Variants in BTBD10 observed in about 807,000 individuals in gnomAD.
BTBD10 encodes BTB domain containing 10, also known as BTB/POZ domain-containing protein 10.
BTBD10 carries 21 observed loss-of-function variants against 53.2 expected under a neutral mutation model. That is an observed-to-expected ratio of 0.39 (90% CI 0.28 to 0.57). BTBD10 has a LOEUF of 0.57. Ranked by LOEUF, BTBD10 falls within the 20% of genes least tolerant of loss-of-function variation. The pLI, the probability that BTBD10 is intolerant of heterozygous loss-of-function variation, is 0.53. For synonymous variants in BTBD10, 149 were observed against 192.7 expected (o/e 0.77, Z 1.88); for missense variants, 360 against 594.7 (o/e 0.61, Z 4.10).
At chr11:13,439,910 C>A (rs72857043) in intron 2 of BTBD10, 184,233 of 1,530,016 alleles carry the variant, frequency 0.12, 11,708 homozygotes, top group Non-Finnish European at 0.13. Context: ...CCAAGGTAGA[C>A]ACACAAAAAC....
At chr11:13,456,787 CA>C (rs549916187) in intron 1 of BTBD10, among the ~76,000 whole-genome samples, 180 of 152,236 alleles carry the variant, frequency 1.2e-3, no homozygotes, top group African/African-American at 4.3e-3. Flanking sequence ...TGCAAATTAA[CA>C]CCTCCAATTT....
At chr11:13,409,404 G>T (rs1949894260) in intron 6 of BTBD10, among the ~76,000 whole-genome samples, 1 of 152,092 alleles carries the variant, frequency 6.6e-6, no homozygotes, top group African/African-American at 2.4e-5. Context: ...AGTTATGCCT[G>T]GTTTGTTCAT....
At chr11:13,423,593 T>C (rs531832252) in intron 2 of BTBD10, among the ~76,000 whole-genome samples, 2 of 152,182 alleles carry the variant, frequency 1.3e-5, no homozygotes, top group South Asian at 2.1e-4. Flanking sequence ...GTCATTCCAG[T>C]GCCCCTTTCA....
At chr11:13,405,331 T>TAAATAC (rs1949798565) in intron 7 of BTBD10, 1 of 181,064 alleles carries the variant, frequency 5.5e-6, no homozygotes, top group Non-Finnish European at 1.1e-5. Context: ...TGAATGCTTT[T>TAAATAC]AAATACAAAG....
chr11:13,452,608 T>C (rs922874444), intron 1 of BTBD10, among the ~76,000 whole-genome samples: 1 of 152,290 alleles, frequency 6.6e-6, no homozygotes, highest in Admixed American at 6.5e-5. Flanking sequence ...ATCCTTCCAC[T>C]GCCACAAACG....
In BTBD10 at chr11:13,442,424, T is replaced by G. The variant is rs141100287; in HGVS notation, c.101+2600A>C. Among the ~76,000 whole-genome samples the G allele has an allele frequency of 5.2e-3, 796 of 152,330 alleles. 9 individuals are homozygous for G. Among genetic ancestry groups the G allele is most frequent in the African/African-American group, 0.018 (737 of 41,588 alleles). ...ACTTGTTTATAAATCCCAGCTCTGC[T>G]ATTTACAAGTTGGATGGTCCTGGGC... On this transcript the variant is annotated intron_variant, in intron 2 of 8. Coordinates refer to ENST00000278174, the MANE Select transcript of BTBD10 (RefSeq NM_032320.7).
chr11:13,416,774 C>A (rs575356973), intron 5 of BTBD10, among the ~76,000 whole-genome samples: 1 of 151,940 alleles, frequency 6.6e-6, no homozygotes, highest in Admixed American at 6.5e-5. Flanking sequence ...CCCTGGAGTT[C>A]GAGAACAGCC....
chr11:13,454,455 C>T (rs1445460759), intron 1 of BTBD10, among the ~76,000 whole-genome samples: 2 of 152,176 alleles, frequency 1.3e-5, no homozygotes, highest in Non-Finnish European at 2.9e-5. Flanking sequence ...TAAGGCTTGA[C>T]CTTTTCTGAT....
intron 8 of BTBD10, among the ~76,000 whole-genome samples, chr11:13,395,642 G>C (rs565778322): frequency 6.6e-6 from 1 of 152,148 alleles, no homozygotes; most frequent in Non-Finnish European, 1.5e-5. Flanking sequence ...GTATTGCCTA[G>C]GTTTTCTTCT....
chr11:13,405,849 T>C lies in BTBD10; in HGVS notation c.816A>G (p.Leu272=). 1 of 1,612,080 alleles carries C rather than the reference T, an allele frequency of 6.2e-7. No individual in the cohort carries two copies. The highest frequency in any genetic ancestry group is 8.5e-7 in the Non-Finnish European group (1 of 1,178,898). ...STIKCRDLSA[L]MHELSNDGAR... is the part of the protein sequence containing the mutation. ...CACCATCATTTGATAACTCATGCAT[T>C]AGGGCACCTGAAATGAAATCCACAA... is the stretch of plus-strand genomic sequence containing the variant. Residue 272 remains leucine (L), a synonymous_variant, in exon 7 of 9, where the codon CTA becomes CTG. Coordinates refer to ENST00000278174, the MANE Select transcript of BTBD10 (RefSeq NM_032320.7).
intron 1 of BTBD10, among the ~76,000 whole-genome samples, chr11:13,446,756 A>G (rs1950755509): frequency 6.6e-6 from 1 of 152,180 alleles, no homozygotes; most frequent in African/African-American, 2.4e-5. Context: ...AAAAACCATG[A>G]ATTATTTTGA....
intron 1 of BTBD10, among the ~76,000 whole-genome samples, chr11:13,462,228 G>C (rs902400381): frequency 6.6e-6 from 1 of 152,116 alleles, no homozygotes; most frequent in African/African-American, 2.4e-5. Context: ...ATAGGGGCGG[G>C]AAGGAACTCA....
At chr11:13,457,790 GTGTA>G (rs1243882997) in intron 1 of BTBD10, among the ~76,000 whole-genome samples, 1 of 152,112 alleles carries the variant, frequency 6.6e-6, no homozygotes, top group Non-Finnish European at 1.5e-5. Context: ...ATATTCATAT[GTGTA>G]TGTATGTATC....
chr11:13,453,352 A>G (rs1369595573), intron 1 of BTBD10, among the ~76,000 whole-genome samples: 1 of 152,150 alleles, frequency 6.6e-6, no homozygotes, highest in Admixed American at 6.5e-5. Flanking sequence ...TGTATATGTT[A>G]AGATAAAATG....
At chr11:13,402,753 T>A (rs1306545138) in intron 8 of BTBD10, among the ~76,000 whole-genome samples, 1 of 152,188 alleles carries the variant, frequency 6.6e-6, no homozygotes, top group Non-Finnish European at 1.5e-5. Flanking sequence ...AGTAAGCTAC[T>A]AGTAGTGCTG....
intron 2 of BTBD10, among the ~76,000 whole-genome samples, chr11:13,423,281 T>G (rs1382966669): frequency 6.6e-6 from 1 of 152,176 alleles, no homozygotes; most frequent in Non-Finnish European, 1.5e-5. Context: ...GGCTTTAGAG[T>G]AAAATTGTCC....
At chr11:13,441,871 G>A (rs114020820) in intron 2 of BTBD10, among the ~76,000 whole-genome samples, 22 of 152,230 alleles carry the variant, frequency 1.4e-4, no homozygotes, top group African/African-American at 4.8e-4. Flanking sequence ...CAGTCTCCCT[G>A]ATCCAGAGAT....
At position 13,388,043 on chromosome 11, in the gene BTBD10, T is replaced by C. The variant is rs1477036474; in HGVS notation, c.*788A>G. The C allele has an allele frequency of 6.6e-6, 1 of 152,552 alleles. No individual in the cohort carries two copies. The highest frequency in any genetic ancestry group is 2.4e-5 in the African/African-American group (1 of 41,406). 9.4% of individuals were successfully genotyped at this position (152,552 alleles called of 1,614,324 possible). ...AACATTAAAACAATGGAATTTTATT[T>C]TGATGAAAAACTCAAGTTTACAATC... On this transcript the variant is annotated 3_prime_UTR_variant, in exon 9 of 9. Transcript: ENST00000278174.
At chr11:13,398,033 G>A (rs1287519421) in intron 8 of BTBD10, among the ~76,000 whole-genome samples, 1 of 152,104 alleles carries the variant, frequency 6.6e-6, no homozygotes, top group East Asian at 1.9e-4. Flanking sequence ...TTTGGGGTGG[G>A]GAATTCTGTA....
Sources: gnomAD v4.1 joint callset for allele counts (sites outside exome capture counted in the v4.1 genomes callset) on GRCh38, gnomAD v4.1.1 for gene constraint, MANE v1.5 for transcripts, NCBI Gene and HGNC (gene_info 2026-07-23, HGNC 2026-07-21) for gene names.